ARHGAP24: variants seen among roughly 807,000 people sequenced by gnomAD.
ARHGAP24 encodes the protein Rho GTPase activating protein 24, also known as rho GTPase-activating protein 24.
ARHGAP24 carries 50 observed loss-of-function variants against 76.4 expected under a neutral mutation model. That is an observed-to-expected ratio of 0.65 (90% confidence interval 0.52 to 0.83). The LOEUF is 0.83. ARHGAP24 is among the 40% of genes least tolerant of loss of function. The pLI is 0.00. For missense variants in ARHGAP24, 930 were observed against 914.2 expected (o/e 1.02, Z -0.22); for synonymous variants, 345 against 323.3 (o/e 1.07, Z -0.72).
At chr4:85,773,540 G>A (rs775558614) in intron 3 of ARHGAP24, among the ~76,000 whole-genome samples, 4 of 152,110 alleles carry the variant, frequency 2.6e-5, no homozygotes, top group Admixed American at 6.6e-5. Flanking sequence ...CCTCAAGGCA[G>A]CCTTCCTTGG....
chr4:85,955,656 C>T (rs1737866585), intron 5 of ARHGAP24, among the ~76,000 whole-genome samples: 1 of 152,148 alleles, frequency 6.6e-6, no homozygotes, highest in Non-Finnish European at 1.5e-5. Flanking sequence ...TTGGGAAATA[C>T]TAGCTAGACT....
intron 2 of ARHGAP24, among the ~76,000 whole-genome samples, chr4:85,710,160 CACAT>C (rs1724469185): frequency 6.6e-6 from 1 of 152,040 alleles, no homozygotes; most frequent in South Asian, 2.1e-4. Context: ...CAAAAACAGA[CACAT>C]AGACCAATGG....
chr4:85,555,905 A>G (rs1269509238), intron 1 of ARHGAP24, among the ~76,000 whole-genome samples: 1 of 152,166 alleles, frequency 6.6e-6, no homozygotes, highest in African/African-American at 2.4e-5. Flanking sequence ...TTTTTAGGAC[A>G]GCAGTGGCTG....
At chr4:85,624,878 T>G (rs1720879437) in intron 2 of ARHGAP24, among the ~76,000 whole-genome samples, 1 of 152,230 alleles carries the variant, frequency 6.6e-6, no homozygotes. Flanking sequence ...TTTGCAGTAT[T>G]CTCTGATCGT....
intron 2 of ARHGAP24, among the ~76,000 whole-genome samples, chr4:85,626,692 C>G (rs1401887846): frequency 1.3e-5 from 2 of 152,164 alleles, no homozygotes; most frequent in African/African-American, 4.8e-5. Context: ...GTTCCATTCT[C>G]CCCATCACTT....
chr4:85,644,945 C>A (rs1404968955), intron 2 of ARHGAP24, among the ~76,000 whole-genome samples: 1 of 151,994 alleles, frequency 6.6e-6, no homozygotes, highest in Non-Finnish European at 1.5e-5. Context: ...AACTCATTTT[C>A]TACACTTTTT....
chr4:85,561,670 G>T (rs1320761523), intron 1 of ARHGAP24, among the ~76,000 whole-genome samples: 2 of 152,000 alleles, frequency 1.3e-5, no homozygotes, highest in African/African-American at 2.4e-5. Flanking sequence ...TAGCTATCTG[G>T]TATATTTTTT....
intron 2 of ARHGAP24, among the ~76,000 whole-genome samples, chr4:85,602,029 G>T (rs1578069222): frequency 2.4e-5 from 1 of 42,478 alleles, no homozygotes; most frequent in East Asian, 9.9e-4. Context: ...TTAGTGAACA[G>T]CCCACAAAGG....
intron 4 of ARHGAP24, chr4:85,930,575 A>G: frequency 9.6e-7 from 1 of 1,037,816 alleles, no homozygotes; most frequent in Non-Finnish European, 1.2e-6. Flanking sequence ...TAATAAAAAC[A>G]AAAAAATGCA....
intron 3 of ARHGAP24, among the ~76,000 whole-genome samples, chr4:85,773,804 A>G (rs928828521): frequency 1.3e-5 from 2 of 152,192 alleles, no homozygotes; most frequent in African/African-American, 4.8e-5. Flanking sequence ...ATTATCATCA[A>G]TGAGATAACA....
rs560009842 is a variant in ARHGAP24, at chr4:85,720,719, A to G, written c.181-1166A>G. On this transcript the variant is annotated intron_variant, in intron 2 of 9. Transcript: ENST00000395184. ...AATTATTGGATAAATCTTTTTAAAA[A>G]CTCTAATATTTAAAGGTCAATTAGA... Among the ~76,000 whole-genome samples, 3 of 152,246 alleles carry G rather than the reference A, an allele frequency of 2.0e-5. No homozygotes were observed. The East Asian group carries it at 5.8e-4, about 29-fold the overall frequency.
intron 9 of ARHGAP24, 128 bp downstream of exon 9, chr4:85,995,785 T>A: frequency 1.1e-6 from 1 of 931,724 alleles, no homozygotes; most frequent in South Asian, 1.4e-5. Context: ...CTCCATCATT[T>A]ATGAGCTTTG....
intron 2 of ARHGAP24, among the ~76,000 whole-genome samples, chr4:85,609,197 G>T (rs1003681954): frequency 2.6e-5 from 4 of 152,124 alleles, no homozygotes; most frequent in Non-Finnish European, 5.9e-5. Flanking sequence ...TATCTATTTT[G>T]CTAAATGTAA....
At chr4:85,957,530 G>A (rs1246671523) in intron 5 of ARHGAP24, among the ~76,000 whole-genome samples, 1 of 152,142 alleles carries the variant, frequency 6.6e-6, no homozygotes, top group African/African-American at 2.4e-5. Flanking sequence ...GTAATCAGGA[G>A]AATTGAAATT....
intron 5 of ARHGAP24, among the ~76,000 whole-genome samples, chr4:85,951,887 A>C (rs2148833053): frequency 6.6e-6 from 1 of 152,266 alleles, no homozygotes; most frequent in African/African-American, 2.4e-5. Flanking sequence ...TTAATTTTTA[A>C]ATAGCATTTT....
chr4:85,860,369 T>C (rs945624239), intron 3 of ARHGAP24, among the ~76,000 whole-genome samples: 1 of 152,064 alleles, frequency 6.6e-6, no homozygotes, highest in African/African-American at 2.4e-5. Flanking sequence ...AGAGATGGTC[T>C]CTCCAAAGAC....
chr4:85,610,451 CAAAAAAAAAAAAAAAA>C (rs57348830), intron 2 of ARHGAP24, among the ~76,000 whole-genome samples: 1 of 51,240 alleles, frequency 2.0e-5, no homozygotes, highest in East Asian at 8.3e-4. Flanking sequence ...ACTCCATCTA[CAAAAAAAAAAAAAAAA>C]AAAAAAAAAA....
chr4:85,861,245 A>G (rs890367361), intron 3 of ARHGAP24, among the ~76,000 whole-genome samples: 1 of 152,094 alleles, frequency 6.6e-6, no homozygotes, highest in South Asian at 2.1e-4. Context: ...TCACTGGTTT[A>G]GTTTGTGTAC....
chr4:85,932,666 T>C (rs1055483493), intron 4 of ARHGAP24, among the ~76,000 whole-genome samples: 28 of 152,216 alleles, frequency 1.8e-4, no homozygotes, highest in African/African-American at 4.8e-4. Context: ...CCTTTTCTCT[T>C]CAAAGCCTTA....
Sources: allele counts gnomAD v4.1 joint callset (sites outside exome capture counted in the v4.1 genomes callset), GRCh38; gene constraint gnomAD v4.1.1; transcripts MANE v1.5; gene names NCBI Gene and HGNC (gene_info 2026-07-23, HGNC 2026-07-21).